Variants in GTF2I observed in about 807,000 individuals in gnomAD.
The protein encoded by GTF2I is general transcription factor IIi, also known as general transcription factor II-I.
In GTF2I, 12 loss-of-function variants were observed where a neutral mutation model predicts 67.6. The observed-to-expected ratio is 0.18, with a 90% CI of 0.11 to 0.29. GTF2I has a LOEUF of 0.29. Ranked by LOEUF, GTF2I falls within the 10% of genes least tolerant of loss-of-function variation. The probability of loss-of-function intolerance (pLI) is 1.00; values close to 1 mark genes in which losing one functional copy is unlikely to be tolerated. For missense variants in GTF2I, 271 were observed against 580.1 expected, an observed-to-expected ratio of 0.47 and a Z score of 5.47; for synonymous variants, 149 against 197.0, an observed-to-expected ratio of 0.76 and a Z score of 2.04.
At chr7:74,704,855 TAAAAAAAA>T (rs35715710) in intron 6 of GTF2I, among the ~76,000 whole-genome samples, 9 of 76,958 alleles carry the variant, frequency 1.2e-4, no homozygotes, top group South Asian at 5.9e-4. Context: ...ACCCTGTTTC[TAAAAAAAA>T]AAAAAAAAAA....
chr7:74,669,722 G>A (rs1218182119), intron 1 of GTF2I, among the ~76,000 whole-genome samples: 2 of 151,854 alleles, frequency 1.3e-5, no homozygotes, highest in African/African-American at 4.8e-5. Context: ...TAGTAGAGAC[G>A]GGGTTTCACC....
intron 2 of GTF2I, 27 bp downstream of exon 2, chr7:74,689,254 T>G: frequency 8.2e-7 from 1 of 1,222,608 alleles, no homozygotes; most frequent in East Asian, 2.3e-5. Context: ...CATCATTCCA[T>G]AGTTGGGTAG....
chr7:74,722,553 G>C (rs1190533585), intron 12 of GTF2I, among the ~76,000 whole-genome samples: 2 of 152,098 alleles, frequency 1.3e-5, no homozygotes, highest in African/African-American at 2.4e-5. Flanking sequence ...CCTGTTACCT[G>C]TGTTCCTTCT....
Position 74,705,194 on chromosome 7 carries a change from G to T in GTF2I, c.617G>T (p.Arg206Met). The T allele has an allele frequency of 6.2e-7, 1 of 1,604,254 alleles. No homozygotes were observed. ...GGRVMVTDAD[R>M]SILSPGGSCG... Reference sequence around the variant, plus strand: ...CGTGTGATGGTAACAGATGCTGACAGGTCAATACTATCTCCAGGTGGAAGG... The same window carrying T: ...CGTGTGATGGTAACAGATGCTGACATGTCAATACTATCTCCAGGTGGAAGG... Residue 206 changes from arginine to methionine, a missense_variant, in exon 7 of 35, where the codon AGG becomes ATG. By Grantham distance (91) the Arg-to-Met change is moderately conservative. This residue lies in a region of GTF2I where 124 missense variants were observed against 147.0 expected (regional missense o/e 0.84). Transcript: ENST00000573035.
intron 1 of GTF2I, among the ~76,000 whole-genome samples, chr7:74,659,193 G>A (rs1455448815): frequency 6.6e-6 from 1 of 152,066 alleles, no homozygotes; most frequent in East Asian, 1.9e-4. Flanking sequence ...ATAGTGCTGG[G>A]ATTACAGGTG....
chr7:74,682,292 A>C (rs1787340820), intron 1 of GTF2I, among the ~76,000 whole-genome samples: 1 of 152,254 alleles, frequency 6.6e-6, no homozygotes, highest in Non-Finnish European at 1.5e-5. Context: ...TACTGAAAAC[A>C]ACCAACACTG....
intron 1 of GTF2I, among the ~76,000 whole-genome samples, chr7:74,671,213 A>G (rs1358432101): frequency 1.3e-5 from 2 of 149,764 alleles, no homozygotes; most frequent in Non-Finnish European, 3.0e-5. Flanking sequence ...CAGCCTCCCG[A>G]GTAGCTGAGA....
chr7:74,658,469 C>A (rs587611293), intron 1 of GTF2I, among the ~76,000 whole-genome samples: 1 of 146,136 alleles, frequency 6.8e-6, no homozygotes, highest in Non-Finnish European at 1.5e-5. Context: ...GCCCTGCGGG[C>A]TGCGCATGCC....
intron 8 of GTF2I, among the ~76,000 whole-genome samples, chr7:74,707,500 C>T (rs587673710): frequency 3.3e-5 from 5 of 152,240 alleles, no homozygotes; most frequent in South Asian, 2.1e-4. Flanking sequence ...GGTAGGGCCG[C>T]GTTAACGTGT....
chr7:74,714,639 T>G (rs183702189), intron 9 of GTF2I, among the ~76,000 whole-genome samples: 1 of 152,230 alleles, frequency 6.6e-6, no homozygotes, highest in Non-Finnish European at 1.5e-5. Flanking sequence ...AAATTTCTTT[T>G]GACTGTTTAC....
chr7:74,729,789 A>C (rs1203903505), intron 13 of GTF2I, among the ~76,000 whole-genome samples: 1 of 151,354 alleles, frequency 6.6e-6, no homozygotes, highest in African/African-American at 2.4e-5. Context: ...GTTCTTTAGC[A>C]TTTTAAGTTG....
At chr7:74,706,480 T>C in intron 8 of GTF2I, 47 bp downstream of exon 8, 1 of 1,372,140 alleles carries the variant, frequency 7.3e-7, no homozygotes, top group Non-Finnish European at 1.0e-6. Context: ...AAGGAAGACT[T>C]TTCCTTAGTG....
intron 1 of GTF2I, among the ~76,000 whole-genome samples, chr7:74,672,552 CA>C (rs1302088727): frequency 4.0e-5 from 6 of 151,674 alleles, no homozygotes; most frequent in African/African-American, 1.5e-4. Flanking sequence ...GAAAAACAAA[CA>C]AACAAACAAA....
In GTF2I at chr7:74,711,187, A is replaced by G. The variant is rs111548852; in HGVS notation, c.763+78A>G. On this transcript the variant is annotated intron_variant, in intron 9 of 34. Coordinates refer to ENST00000573035, the MANE Select transcript of GTF2I (RefSeq NM_032999.4). ...TAAAATTTGCTCATCAATTGCTTTA[A>G]TTTCTTAAATAATATTTTATTGATC... The G allele has an allele frequency of 1.2e-3, 721 of 625,390 alleles. 2 individuals carry two copies. The African/African-American group carries it at 0.012, about 11-fold the overall frequency. 38.7% of individuals were successfully genotyped at this position (625,390 alleles called of 1,614,324 possible).
intron 1 of GTF2I, among the ~76,000 whole-genome samples, chr7:74,662,204 CTTTTTTTTTTTTTTTTTT>C (rs59914241): frequency 1.2e-5 from 1 of 82,596 alleles, no homozygotes. Context: ...TTTTTTCTTT[CTTTTTTTTTTTTTTTTTT>C]TTTTTTTTTG....
chr7:74,752,434 G>GA (rs1562994023), intron 28 of GTF2I, among the ~76,000 whole-genome samples: 1 of 150,730 alleles, frequency 6.6e-6, no homozygotes, highest in Non-Finnish European at 1.5e-5. Flanking sequence ...GTCTATATGA[G>GA]ACCGGGCACG....
At chr7:74,683,862 G>GAA (rs797029028) in intron 1 of GTF2I, among the ~76,000 whole-genome samples, 9 of 147,460 alleles carry the variant, frequency 6.1e-5, no homozygotes, top group African/African-American at 2.0e-4. Context: ...CCCCACCAAA[G>GAA]AAAAAAAAAA....
intron 7 of GTF2I, 105 bp downstream of exon 7, chr7:74,705,323 T>A (rs756687842): frequency 5.5e-6 from 4 of 726,626 alleles, no homozygotes; most frequent in Non-Finnish European, 9.8e-6. Context: ...ATGTCACACA[T>A]CTTAAAGTTT....
intron 14 of GTF2I, among the ~76,000 whole-genome samples, chr7:74,732,140 T>TAC (rs1794547295): frequency 7.2e-6 from 1 of 139,818 alleles, no homozygotes; most frequent in East Asian, 2.0e-4. Flanking sequence ...TATACACATA[T>TAC]ACATATATAT....
Sources: allele counts gnomAD v4.1 joint callset (sites outside exome capture counted in the v4.1 genomes callset), GRCh38; gene constraint gnomAD v4.1.1; regional missense constraint gnomAD v4.1.1; transcripts MANE v1.5; gene names NCBI Gene and HGNC (gene_info 2026-07-23, HGNC 2026-07-21).